CEP152: variants seen among roughly 807,000 people sequenced by gnomAD.
The protein encoded by CEP152 is centrosomal protein of 152 kDa.
Under a neutral mutation model 188.9 loss-of-function variants are expected in CEP152, and 132 were observed. The ratio of observed to expected loss-of-function variants is 0.70; its 90% CI spans 0.61 to 0.81. CEP152 has a LOEUF of 0.81. CEP152 is among the 30% of genes least tolerant of loss of function. The probability of loss-of-function intolerance (pLI) is 0.00; values close to 1 mark genes in which losing one functional copy is unlikely to be tolerated. For missense variants in CEP152, 1,914 were observed against 1,969.8 expected (o/e 0.97, Z 0.54); for synonymous variants, 649 against 666.6 (o/e 0.97, Z 0.41).
chr15:48,757,433 T>A (rs1411289197), intron 19 of CEP152, among the ~76,000 whole-genome samples: 1 of 152,220 alleles, frequency 6.6e-6, no homozygotes, highest in East Asian at 1.9e-4. Flanking sequence ...ACTCAATAAA[T>A]CTTATGTAGT....
Position 48,797,593 on chromosome 15 carries a change from A to C in CEP152, c.262-14T>G. 3.1e-6 allele frequency: 5 copies of C among 1,614,056 alleles called. No homozygotes were observed. Among genetic ancestry groups the C allele is most frequent in the Non-Finnish European group, 4.2e-6 (5 of 1,179,974 alleles). On this transcript the variant is annotated splice_polypyrimidine_tract_variant and intron_variant, in intron 4 of 26. Transcript: ENST00000380950. Reference sequence around the variant, plus strand: ...TTCATTATAGCCCTATTAGATAACAAGAGTAAAACAAAAGCACGAAGATCC... The same window carrying C: ...TTCATTATAGCCCTATTAGATAACACGAGTAAAACAAAAGCACGAAGATCC...
chr15:48,788,759 TTTAC>T (rs1324450713), intron 9 of CEP152, 38 bp downstream of exon 9: 1 of 1,543,614 alleles, frequency 6.5e-7, no homozygotes, highest in Non-Finnish European at 9.0e-7. Flanking sequence ...CATAACCAGC[TTTAC>T]TTGTTGATAA....
At chr15:48,775,338 A>G in intron 12 of CEP152, among the ~76,000 whole-genome samples, 1 of 152,030 alleles carries the variant, frequency 6.6e-6, no homozygotes, top group African/African-American at 2.4e-5. Flanking sequence ...AAAGAAAAAC[A>G]CACTTAAACA....
downstream of CEP152, among the ~76,000 whole-genome samples, chr15:48,733,034 T>A (rs1892478286): frequency 6.6e-6 from 1 of 152,132 alleles, no homozygotes; most frequent in African/African-American, 2.4e-5. Flanking sequence ...AAGGCTGCCA[T>A]GACTGCACCA....
chr15:48,756,183 T>A lies in CEP152; in HGVS notation c.3065A>T (p.Gln1022Leu). The A allele has an allele frequency of 6.2e-7, 1 of 1,614,060 alleles. No individual in the cohort carries two copies. The highest frequency in any genetic ancestry group is 8.5e-7 in the Non-Finnish European group (1 of 1,179,966). ...CTGCATAGTCCATTCTCTACGACTC[T>A]GGTCTAGACAAGTTTGTAATTCTGT... is the stretch of plus-strand genomic sequence containing the variant. ...KETELQTCLD[Q>L]SRREWTMQEA... The change falls in exon 20 of 27, where the codon CAG (glutamine) becomes CTG (leucine). Residue 1022 changes from glutamine (Q) to leucine (L), a missense_variant. Coordinates refer to ENST00000380950, the MANE Select transcript of CEP152 (RefSeq NM_001194998.2).
intron 1 of CEP152, among the ~76,000 whole-genome samples, chr15:48,806,174 A>G (rs940416420): frequency 2.0e-5 from 3 of 152,220 alleles, no homozygotes; most frequent in Admixed American, 2.0e-4. Flanking sequence ...CATAGAGTGC[A>G]CAACAAAATA....
At chr15:48,786,671 T>C (rs959163855) in intron 9 of CEP152, among the ~76,000 whole-genome samples, 2 of 152,024 alleles carry the variant, frequency 1.3e-5, no homozygotes, top group Admixed American at 6.6e-5. Flanking sequence ...ATCAGTGCCA[T>C]GCTCTGTTAA....
At chr15:48,806,085 T>C (rs921770687) in intron 1 of CEP152, among the ~76,000 whole-genome samples, 1 of 151,976 alleles carries the variant, frequency 6.6e-6, no homozygotes, top group African/African-American at 2.4e-5. Context: ...AATCCAAATA[T>C]CATGCTTTAC....
intron 19 of CEP152, among the ~76,000 whole-genome samples, chr15:48,759,441 C>T (rs1297100977): frequency 2.6e-5 from 4 of 152,102 alleles, no homozygotes; most frequent in African/African-American, 9.7e-5. Flanking sequence ...ATAGTAGGGC[C>T]TACCTCTGAA....
intron 26 of CEP152, among the ~76,000 whole-genome samples, chr15:48,740,262 A>T (rs1462966153): frequency 6.6e-6 from 1 of 152,122 alleles, no homozygotes; most frequent in Non-Finnish European, 1.5e-5. Flanking sequence ...TAATTTATCT[A>T]ATCTTTTATT....
rs1328440054 is a variant in CEP152, at chr15:48,796,287, TATACACACACAC to T, written c.541-139_541-128del. On this transcript the variant is annotated intron_variant, in intron 5 of 26. Coordinates refer to ENST00000380950, the MANE Select transcript of CEP152 (RefSeq NM_001194998.2). Reference sequence around the variant, plus strand: ...GGTACAGTTCAAAGTTGTTTATATATATACACACACACACACACACACACACACACACACACA... The same window carrying T: ...GGTACAGTTCAAAGTTGTTTATATATACACACACACACACACACACACACA... 9.6e-4 allele frequency: 662 copies of T among 692,566 alleles called. 4 individuals carry two copies. The highest frequency in any genetic ancestry group is 7.1e-3 in the African/African-American group (346 of 48,912). The allele number at this position is 692,566 out of a possible 1,614,324, so 42.9% of individuals were successfully genotyped here. A position where few individuals can be genotyped will look rare whatever the true frequency, so the allele number is the denominator to read the frequency against.
Position 48,797,715 on chromosome 15 carries a change from C to T in CEP152, c.207G>A (p.Glu69=). 6.2e-7 allele frequency: 1 copy of T among 1,614,120 alleles called. No homozygotes were observed. The highest frequency in any genetic ancestry group is 1.1e-5 in the South Asian group (1 of 91,078). Residue 69 remains glutamate (E), a synonymous_variant, in exon 4 of 27, where the codon GAG becomes GAA. Transcript: ENST00000380950. ...GCTCATTCCAGCTCATCTCCAATTG[C>T]TCAGGATGATGTGGTCTCGAGAAAA... ...DGTDGQPHHP[E]QLEMSWNEQM...
chr15:48,735,277 G>T (rs528769308), downstream of CEP152, among the ~76,000 whole-genome samples: 1 of 152,238 alleles, frequency 6.6e-6, no homozygotes, highest in South Asian at 2.1e-4. Flanking sequence ...AAGAAAAATC[G>T]CAAGGGAAGT....
chr15:48,806,768 A>AG (rs1227981278), intron 1 of CEP152, among the ~76,000 whole-genome samples: 2 of 152,244 alleles, frequency 1.3e-5, no homozygotes, highest in African/African-American at 2.4e-5. Flanking sequence ...CCATTTCATC[A>AG]GATCTAAGAT....
At chr15:48,807,904 T>TTAAGG (rs1567038230) in intron 1 of CEP152, among the ~76,000 whole-genome samples, 1 of 151,536 alleles carries the variant, frequency 6.6e-6, no homozygotes, top group East Asian at 1.9e-4. Context: ...GGTTTTGTTT[T>TTAAGG]TAAAGAGAAT....
At chr15:48,785,240 G>A (rs1008674183) in intron 9 of CEP152, among the ~76,000 whole-genome samples, 1 of 152,106 alleles carries the variant, frequency 6.6e-6, no homozygotes, top group African/African-American at 2.4e-5. Flanking sequence ...AGACTCTGAA[G>A]TCTCCCATTT....
chr15:48,757,007 T>C (rs552777570), intron 19 of CEP152, among the ~76,000 whole-genome samples: 5 of 152,312 alleles, frequency 3.3e-5, no homozygotes, highest in African/African-American at 1.2e-4. Flanking sequence ...TAATGCACTT[T>C]TAGTGGCTAG....
intron 12 of CEP152, among the ~76,000 whole-genome samples, chr15:48,774,816 G>C (rs1357752611): frequency 6.6e-6 from 1 of 151,894 alleles, no homozygotes; most frequent in East Asian, 1.9e-4. Context: ...ATCAACAAAT[G>C]ATCCAAATGC....
chr15:48,748,206 C>G (rs1893598520), intron 22 of CEP152, among the ~76,000 whole-genome samples: 1 of 152,132 alleles, frequency 6.6e-6, no homozygotes, highest in South Asian at 2.1e-4. Context: ...TATACTGGGC[C>G]CTCAATATCT....
Sources: gnomAD v4.1 joint callset for allele counts (sites outside exome capture counted in the v4.1 genomes callset) on GRCh38, gnomAD v4.1.1 for gene constraint, MANE v1.5 for transcripts, NCBI Gene and HGNC (gene_info 2026-07-23, HGNC 2026-07-21) for gene names.